OPCML: variants seen among roughly 807,000 people sequenced by gnomAD.
OPCML encodes opioid-binding protein/cell adhesion molecule.
In OPCML, 13 loss-of-function variants were observed where a neutral mutation model predicts 37.8. The observed-to-expected ratio is 0.34, with a 90% confidence interval of 0.22 to 0.55. The LOEUF (loss-of-function observed/expected upper bound fraction) is 0.55, where lower values mean the gene tolerates loss of function less well. OPCML is among the 20% of genes least tolerant of loss of function. The pLI is 0.91. For missense variants in OPCML, 341 were observed against 435.6 expected (o/e 0.78, Z 1.93); for synonymous variants, 176 against 168.8 (o/e 1.04, Z -0.33).
chr11:133,012,642 G>T (rs569008242), intron 1 of OPCML, among the ~76,000 whole-genome samples: 1 of 152,092 alleles, frequency 6.6e-6, no homozygotes, highest in Admixed American at 6.5e-5. Flanking sequence ...TTGGGAGGCC[G>T]AGGTGGGTGG....
At chr11:132,442,207 C>T (rs2096038283) in intron 4 of OPCML, among the ~76,000 whole-genome samples, 1 of 152,162 alleles carries the variant, frequency 6.6e-6, no homozygotes, top group Non-Finnish European at 1.5e-5. Flanking sequence ...ATCTTAGGCT[C>T]AATTTTTTAG....
intron 1 of OPCML, among the ~76,000 whole-genome samples, chr11:133,200,213 T>C (rs1214206986): frequency 6.6e-6 from 1 of 152,174 alleles, no homozygotes; most frequent in Non-Finnish European, 1.5e-5. Context: ...AAACAAGACC[T>C]CTCTCCTTGG....
intron 1 of OPCML, among the ~76,000 whole-genome samples, chr11:133,123,854 T>C (rs935863986): frequency 1.3e-5 from 2 of 152,106 alleles, no homozygotes; most frequent in South Asian, 2.1e-4. Context: ...GTATCAACGT[T>C]CCATGTCATC....
chr11:133,029,077 A>G (rs1442317470), intron 1 of OPCML, among the ~76,000 whole-genome samples: 1 of 152,244 alleles, frequency 6.6e-6, no homozygotes. Context: ...CACTTCTTTA[A>G]AAAAGATATA....
At chr11:133,014,127 T>A (rs1177205739) in intron 1 of OPCML, among the ~76,000 whole-genome samples, 1 of 152,204 alleles carries the variant, frequency 6.6e-6, no homozygotes, top group Non-Finnish European at 1.5e-5. Context: ...ATCTGCCAGT[T>A]ATTTGCCTGC....
At chr11:132,504,147 A>T (rs2096251383) in intron 4 of OPCML, among the ~76,000 whole-genome samples, 1 of 152,228 alleles carries the variant, frequency 6.6e-6, no homozygotes, top group South Asian at 2.1e-4. Context: ...AATCAATCAA[A>T]CAATACTAAT....
At chr11:133,034,308 G>GGTGTGTGTGTGTGT (rs71038514) in intron 1 of OPCML, among the ~76,000 whole-genome samples, 14,873 of 143,266 alleles carry the variant, frequency 0.1, 940 homozygotes, top group Non-Finnish European at 0.13. Context: ...TGTATGTATA[G>GGTGTGTGTGTGTGT]GTGTGTGTGT....
chr11:133,415,270 C>T (rs1035807263), intron 1 of OPCML, among the ~76,000 whole-genome samples: 10 of 151,752 alleles, frequency 6.6e-5, no homozygotes, highest in Non-Finnish European at 1.0e-4. Flanking sequence ...ATTAGCCCGG[C>T]GTGGTGGCGG....
At chr11:132,985,127 G>T (rs1946662573) in intron 1 of OPCML, among the ~76,000 whole-genome samples, 1 of 152,122 alleles carries the variant, frequency 6.6e-6, no homozygotes, top group Admixed American at 6.5e-5. Context: ...AGACACCCAT[G>T]GCCTCCTGTG....
At chr11:132,714,543 T>A (rs1464295663) in intron 2 of OPCML, among the ~76,000 whole-genome samples, 3 of 151,970 alleles carry the variant, frequency 2.0e-5, no homozygotes, top group African/African-American at 7.3e-5. Flanking sequence ...CGCATCAGAA[T>A]GAAAGTGTAG....
intron 2 of OPCML, among the ~76,000 whole-genome samples, chr11:132,728,164 C>T (rs6590653): frequency 0.11 from 16,277 of 152,296 alleles, 1,093 homozygotes; most frequent in African/African-American, 0.18. Flanking sequence ...CGGCGCAGCC[C>T]GCCCACCCCG....
chr11:132,506,614 G>A (rs1940406), intron 4 of OPCML, among the ~76,000 whole-genome samples: 22,584 of 152,042 alleles, frequency 0.15, 2,355 homozygotes, highest in East Asian at 0.55. Flanking sequence ...GGAGGCTGCC[G>A]CAATTCTTAC....
At chr11:132,421,207 T>G (rs1461707358) in intron 7 of OPCML, among the ~76,000 whole-genome samples, 1 of 152,046 alleles carries the variant, frequency 6.6e-6, no homozygotes, top group Non-Finnish European at 1.5e-5. Context: ...AGCAAGCACA[T>G]AGGGTGGTAC....
chr11:133,348,870 A>G (rs1184366163), intron 1 of OPCML, among the ~76,000 whole-genome samples: 2 of 152,168 alleles, frequency 1.3e-5, no homozygotes, highest in African/African-American at 4.8e-5. Context: ...TCAGGAAGAC[A>G]TGGCCTTGAC....
chr11:132,442,320 G>C (rs1260089808), intron 4 of OPCML, among the ~76,000 whole-genome samples: 1 of 152,162 alleles, frequency 6.6e-6, no homozygotes, highest in Non-Finnish European at 1.5e-5. Context: ...AGATCAAACA[G>C]GAAATCCAGA....
At chr11:133,272,930 A>G (rs965165469) in intron 1 of OPCML, among the ~76,000 whole-genome samples, 26 of 152,160 alleles carry the variant, frequency 1.7e-4, no homozygotes, top group African/African-American at 6.3e-4. Context: ...TTGGAAAATT[A>G]CGGGCCTTCT....
intron 3 of OPCML, among the ~76,000 whole-genome samples, chr11:132,640,211 A>G (rs544992420): frequency 5.8e-4 from 89 of 152,290 alleles, no homozygotes; most frequent in African/African-American, 2.1e-3. Flanking sequence ...GCAAACCCAC[A>G]ACAATGAGCA....
chr11:132,922,687 A>G (rs1391688002), intron 2 of OPCML, among the ~76,000 whole-genome samples: 1 of 152,172 alleles, frequency 6.6e-6, no homozygotes, highest in Non-Finnish European at 1.5e-5. Context: ...TAACAAAAAG[A>G]GTAAAGCAAA....
At chr11:132,459,881 T>C (rs2096095054) in intron 4 of OPCML, among the ~76,000 whole-genome samples, 1 of 152,228 alleles carries the variant, frequency 6.6e-6, no homozygotes, top group Non-Finnish European at 1.5e-5. Context: ...AATTCCATTT[T>C]TAGCAACAAA....
Sources: gnomAD v4.1 joint callset for allele counts (sites outside exome capture counted in the v4.1 genomes callset) on GRCh38, gnomAD v4.1.1 for gene constraint, MANE v1.5 for transcripts, NCBI Gene and HGNC (gene_info 2026-07-23, HGNC 2026-07-21) for gene names.